NCDN: variants seen among roughly 807,000 people sequenced by gnomAD.
The protein encoded by NCDN is neurochondrin.
NCDN carries 9 observed loss-of-function variants against 60.7 expected under a neutral mutation model. The ratio of observed to expected loss-of-function variants is 0.15; its 90% CI spans 0.09 to 0.26. NCDN has a LOEUF of 0.26. NCDN is among the 10% of genes least tolerant of loss of function. NCDN has a pLI of 1.00. For missense variants in NCDN, 578 were observed against 975.2 expected (o/e 0.59, Z 5.42); for synonymous variants, 409 against 442.5 (o/e 0.92, Z 0.95).
Position 35,561,338 on chromosome 1 carries a change from G to A in NCDN, c.1143+44G>A, listed in dbSNP as rs751953513. On this transcript the variant is annotated intron_variant, in intron 3 of 6. Transcript: ENST00000373243. This position sits in a 1 kb window ranked among gnomAD's most constrained non-coding sequence, Gnocchi z 4.9. ...ACAGAGGGGGCCCAGTATGGGGGGAGCCAGTGCTGGAGCTGGGAGGCAAGG... is the reference window on the plus strand; with the variant it reads ...ACAGAGGGGGCCCAGTATGGGGGGAACCAGTGCTGGAGCTGGGAGGCAAGG... The A allele has an allele frequency of 1.0e-5, 16 of 1,531,114 alleles. No homozygotes were observed. The highest frequency in any genetic ancestry group is 1.3e-5 in the Non-Finnish European group (15 of 1,145,864). The allele number at this position is 1,531,114 out of a possible 1,614,324, so 94.8% of individuals were successfully genotyped here.
Position 35,560,930 on chromosome 1 carries a change from A to T in NCDN, c.779A>T (p.Asp260Val). Residue 260 changes from aspartate to valine, a missense_variant, in exon 3 of 7, where the codon GAT becomes GTT. Physicochemically the swap from Asp to Val is radical, Grantham distance 152. Transcript: ENST00000373243. This position sits in a 1 kb window ranked among gnomAD's most constrained non-coding sequence, Gnocchi z 7.6. ...ACCGTGCCCCCTGAATGCTACCGGG[A>T]TCTGCAGGCCGGGCTGGCACGCATC... ...PTTVPPECYR[D>V]LQAGLARILG... 1 of 1,613,728 alleles carries T rather than the reference A, an allele frequency of 6.2e-7. No homozygotes were observed. Among genetic ancestry groups the T allele is most frequent in the Non-Finnish European group, 8.5e-7 (1 of 1,179,764 alleles).
rs1381214091 is a variant in NCDN, at chr1:35,566,767, T to C, written c.*1104T>C. ...CATGTGGACACTCAATAAATGTTCA[T>C]TGGTGACGAGAAGCCTCCTGCGTGG... is the stretch of plus-strand genomic sequence containing the variant. On this transcript the variant is annotated 3_prime_UTR_variant, in exon 7 of 7. Transcript: ENST00000373243. This position sits in a 1 kb window ranked among gnomAD's most constrained non-coding sequence, Gnocchi z 5.3. The C allele has an allele frequency of 1.5e-5, 7 of 470,368 alleles. No homozygotes were observed. The highest frequency in any genetic ancestry group is 4.0e-5 in the African/African-American group (2 of 50,032). The allele number at this position is 470,368 out of a possible 1,614,324, so 29.1% of individuals were successfully genotyped here. A position where few individuals can be genotyped will look rare whatever the true frequency, so the allele number is the denominator to read the frequency against.
Position 35,562,541 on chromosome 1 carries a change from G to A in NCDN, c.1293G>A (p.Glu431=). 2.5e-6 allele frequency: 4 copies of A among 1,614,104 alleles called. No individual in the cohort carries two copies. The highest frequency in any genetic ancestry group is 3.4e-6 in the Non-Finnish European group (4 of 1,179,994). ...GCTATGCCAAGACCCTCTACGAGGA[G>A]GCCGAGGAGGCCAATGACCTTTCCC... ...LVRYAKTLYE[E]AEEANDLSQQ... Residue 431 remains glutamate (E), a synonymous_variant, in exon 4 of 7, where the codon GAG becomes GAA. Coordinates refer to ENST00000373243, the MANE Select transcript of NCDN (RefSeq NM_014284.3). The surrounding 1 kb of genome is among the most constrained non-coding windows in gnomAD (Gnocchi z 6.8).
chr1:35,563,955 G>C lies in NCDN; in HGVS notation c.1753+46G>C. The C allele has an allele frequency of 6.4e-7, 1 of 1,565,286 alleles. No homozygotes were observed. Among genetic ancestry groups the C allele is most frequent in the Non-Finnish European group, 8.6e-7 (1 of 1,158,788 alleles). On this transcript the variant is annotated intron_variant, in intron 6 of 6. Coordinates refer to ENST00000373243, the MANE Select transcript of NCDN (RefSeq NM_014284.3). This position sits in a 1 kb window ranked among gnomAD's most constrained non-coding sequence, Gnocchi z 6.6. ...CCTGATGGGTGAGGACAGAAGACCTGGGTGGACCTCCTGTGTTTGGGGCAA... is the reference window on the plus strand; with the variant it reads ...CCTGATGGGTGAGGACAGAAGACCTCGGTGGACCTCCTGTGTTTGGGGCAA...
In NCDN at chr1:35,561,353, G is replaced by C; in HGVS notation, c.1143+59G>C. The C allele has an allele frequency of 6.6e-7, 1 of 1,514,690 alleles. No homozygotes were observed. The highest frequency in any genetic ancestry group is 8.8e-7 in the Non-Finnish European group (1 of 1,139,148). 93.8% of individuals were successfully genotyped at this position (1,514,690 alleles called of 1,614,324 possible). On this transcript the variant is annotated intron_variant, in intron 3 of 6. Coordinates refer to ENST00000373243, the MANE Select transcript of NCDN (RefSeq NM_014284.3). The surrounding 1 kb of genome is among the most constrained non-coding windows in gnomAD (Gnocchi z 4.9). Reference sequence around the variant, plus strand: ...TATGGGGGGAGCCAGTGCTGGAGCTGGGAGGCAAGGGGGAGGAGAATAATG... The same window carrying C: ...TATGGGGGGAGCCAGTGCTGGAGCTCGGAGGCAAGGGGGAGGAGAATAATG...
chr1:35,562,926 T>C lies in NCDN; in HGVS notation c.1386-276T>C, dbSNP rs1648750863. ...CCAAAATGATCTCATTTGGTCCACG[T>C]GGTAAATATAACAGAAGTCTCATTC... is the stretch of plus-strand genomic sequence containing the variant. On this transcript the variant is annotated intron_variant, in intron 4 of 6. Coordinates refer to ENST00000373243, the MANE Select transcript of NCDN (RefSeq NM_014284.3). This position sits in a 1 kb window ranked among gnomAD's most constrained non-coding sequence, Gnocchi z 6.8. Among the ~76,000 whole-genome samples, 1 of 152,168 alleles carries C rather than the reference T, an allele frequency of 6.6e-6. No individual in the cohort carries two copies. The highest frequency in any genetic ancestry group is 6.5e-5 in the Admixed American group (1 of 15,280).
Position 35,558,072 on chromosome 1 carries a change from A to C in NCDN, c.-119A>C. 1 of 1,377,254 alleles carries C rather than the reference A, an allele frequency of 7.3e-7. No homozygotes were observed. The highest frequency in any genetic ancestry group is 1.5e-5 in the African/African-American group (1 of 66,928). 85.3% of individuals were successfully genotyped at this position (1,377,254 alleles called of 1,614,324 possible). On this transcript the variant is annotated 5_prime_UTR_variant, in exon 1 of 7. Transcript: ENST00000373243. The surrounding 1 kb of genome is among the most constrained non-coding windows in gnomAD (Gnocchi z 6.3). ...TCAATATATATCTTTTTTTTTTTTAATTTGCCCTGTCATCTTTGGGGGCTG... is the reference window on the plus strand; with the variant it reads ...TCAATATATATCTTTTTTTTTTTTACTTTGCCCTGTCATCTTTGGGGGCTG...
Position 35,565,863 on chromosome 1 carries a change from A to C in NCDN, c.*200A>C. On this transcript the variant is annotated 3_prime_UTR_variant, in exon 7 of 7. Coordinates refer to ENST00000373243, the MANE Select transcript of NCDN (RefSeq NM_014284.3). The surrounding 1 kb of genome is among the most constrained non-coding windows in gnomAD (Gnocchi z 8.9). ...ACTGCGTTCCGCCCCTCAGGCCCCC[A>C]TGGGGGCAGGGATCGGCTTGGAAAT... 3 of 598,102 alleles carry C rather than the reference A, an allele frequency of 5.0e-6. No individual in the cohort carries two copies. Among genetic ancestry groups the C allele is most frequent in the Non-Finnish European group, 8.5e-6 (3 of 351,786 alleles). 37.0% of individuals were successfully genotyped at this position (598,102 alleles called of 1,614,324 possible). A position where few individuals can be genotyped will look rare whatever the true frequency, so the allele number is the denominator to read the frequency against.
In NCDN at chr1:35,558,814, A is replaced by C; in HGVS notation, c.34-293A>C. The C allele has an allele frequency of 2.5e-6, 2 of 793,006 alleles. No homozygotes were observed. The highest frequency in any genetic ancestry group is 1.7e-5 in the African/African-American group (1 of 57,850). 49.1% of individuals were successfully genotyped at this position (793,006 alleles called of 1,614,324 possible). On this transcript the variant is annotated intron_variant, in intron 1 of 6. Transcript: ENST00000373243. The surrounding 1 kb of genome is among the most constrained non-coding windows in gnomAD (Gnocchi z 6.3). ...GTGGGGCCAGCTCCCGCCCACCCCC[A>C]GGAGACTGGTGAGGAGAGCTGTCCG...
In NCDN at chr1:35,565,656, A is replaced by G; in HGVS notation, c.2183A>G (p.Glu728Gly). Residue 728 changes from glutamate to glycine, a missense_variant, in exon 7 of 7, where the codon GAG becomes GGG. By Grantham distance (98) the Glu-to-Gly change is moderately conservative. This residue lies in a region of NCDN where 191 missense variants were observed against 372.1 expected (regional missense o/e 0.51). Coordinates refer to ENST00000373243, the MANE Select transcript of NCDN (RefSeq NM_014284.3). This position sits in a 1 kb window ranked among gnomAD's most constrained non-coding sequence, Gnocchi z 8.9. Reference sequence around the variant, plus strand: ...GCTGCCTTGGAGCAGTGCCTGTCAGAGCCCTGAGGGGTGTCCACCGGGGAC... The same window carrying G: ...GCTGCCTTGGAGCAGTGCCTGTCAGGGCCCTGAGGGGTGTCCACCGGGGAC... ...RMAALEQCLS[E>G]P 1.3e-6 allele frequency: 2 copies of G among 1,550,530 alleles called. No individual in the cohort carries two copies. The highest frequency in any genetic ancestry group is 1.7e-6 in the Non-Finnish European group (2 of 1,155,316).
chr1:35,559,075 A>G, intron 1 of NCDN, 32 bp from the exon 2 acceptor site: 2 of 909,166 alleles, frequency 2.2e-6, no homozygotes, highest in Non-Finnish European at 1.4e-6. Flanking sequence ...CCTCCTCTGC[A>G]GAGGGATGCT....
At position 35,558,484 on chromosome 1, in the gene NCDN, G is replaced by C; in HGVS notation, c.33+261G>C. 9 of 1,406,282 alleles carry C rather than the reference G, an allele frequency of 6.4e-6. No individual in the cohort carries two copies. Among genetic ancestry groups the C allele is most frequent in the Non-Finnish European group, 8.3e-6 (9 of 1,083,350 alleles). 87.1% of individuals were successfully genotyped at this position (1,406,282 alleles called of 1,614,324 possible). On this transcript the variant is annotated intron_variant, in intron 1 of 6. Coordinates refer to ENST00000373243, the MANE Select transcript of NCDN (RefSeq NM_014284.3). This position sits in a 1 kb window ranked among gnomAD's most constrained non-coding sequence, Gnocchi z 6.3. ...TACCCGAGGGAGGGAAAGGAGAGGA[G>C]GCAAGGAGCCTGCGGGGGCGACTGA...
rs1267047552 is a variant in NCDN at position 35,558,300 on chromosome 1, G to T, written c.33+77G>T. ...CCCTGCTTCGATTATCCGGCTTTTG[G>T]ATTCTCCGTTGTCCTGGGAACTATC... On this transcript the variant is annotated intron_variant, in intron 1 of 6. Transcript: ENST00000373243. The surrounding 1 kb of genome is among the most constrained non-coding windows in gnomAD (Gnocchi z 6.3). 2.5e-6 allele frequency: 4 copies of T among 1,602,892 alleles called. No individual in the cohort carries two copies. Among genetic ancestry groups the T allele is most frequent in the East Asian group, 2.2e-5 (1 of 44,622 alleles).
At position 35,558,547 on chromosome 1, in the gene NCDN, T is replaced by C; in HGVS notation, c.33+324T>C. 7.6e-7 allele frequency: 1 copy of C among 1,323,194 alleles called. No homozygotes were observed. 82.0% of individuals were successfully genotyped at this position (1,323,194 alleles called of 1,614,324 possible). A position where few individuals can be genotyped will look rare whatever the true frequency, so the allele number is the denominator to read the frequency against. Reference sequence around the variant, plus strand: ...GAGGGGTGGGGTCCCCAAAGGGGCCTCCAAGCCTTCCCTGTTGAGCGTCTT... The same window carrying C: ...GAGGGGTGGGGTCCCCAAAGGGGCCCCCAAGCCTTCCCTGTTGAGCGTCTT... On this transcript the variant is annotated intron_variant, in intron 1 of 6. Coordinates refer to ENST00000373243, the MANE Select transcript of NCDN (RefSeq NM_014284.3). The surrounding 1 kb of genome is among the most constrained non-coding windows in gnomAD (Gnocchi z 6.3).
chr1:35,564,907 T>C (rs193087013), intron 6 of NCDN, among the ~76,000 whole-genome samples: 1 of 152,196 alleles, frequency 6.6e-6, no homozygotes, highest in East Asian at 1.9e-4. Context: ...CTCTCTCCCA[T>C]CTGACCCTGT....
rs1210762675 is a variant in NCDN, at chr1:35,561,553, C to A, written c.1143+259C>A. 6.6e-6 allele frequency among the ~76,000 whole-genome samples: 1 copy of A among 151,960 alleles called. No homozygotes were observed. The highest frequency in any genetic ancestry group is 1.5e-5 in the Non-Finnish European group (1 of 67,956). On this transcript the variant is annotated intron_variant, in intron 3 of 6. Transcript: ENST00000373243. This position sits in a 1 kb window ranked among gnomAD's most constrained non-coding sequence, Gnocchi z 4.9. The stretch of plus-strand genomic sequence containing the variant: ...CACGCACACACACACAACACAGTAA[C>A]CTCCCACTCAAACGCTCCCCCCAAT...
chr1:35,558,121 T>G lies in NCDN; in HGVS notation c.-70T>G. The G allele has an allele frequency of 2.5e-6, 4 of 1,601,892 alleles. No homozygotes were observed. The highest frequency in any genetic ancestry group is 3.4e-6 in the Non-Finnish European group (4 of 1,170,306). On this transcript the variant is annotated 5_prime_UTR_variant, in exon 1 of 7. Coordinates refer to ENST00000373243, the MANE Select transcript of NCDN (RefSeq NM_014284.3). The surrounding 1 kb of genome is among the most constrained non-coding windows in gnomAD (Gnocchi z 6.3). The stretch of plus-strand genomic sequence containing the variant: ...TGTCTCCCATGTCGTGATTTTGACG[T>G]GATCTCTCCGTGACATCACCGCGCC...
chr1:35,562,706 C>G lies in NCDN; in HGVS notation c.1385+73C>G. ...GCGTTAACACAAGGACACCCCTCCC[C>G]ACAAACTGAGCTGTGCCAGGCTTCC... is the stretch of plus-strand genomic sequence containing the variant. On this transcript the variant is annotated intron_variant, in intron 4 of 6. Transcript: ENST00000373243. This position sits in a 1 kb window ranked among gnomAD's most constrained non-coding sequence, Gnocchi z 6.8. 2 of 1,516,284 alleles carry G rather than the reference C, an allele frequency of 1.3e-6. No homozygotes were observed. Among genetic ancestry groups the G allele is most frequent in the South Asian group, 2.6e-5 (2 of 77,154 alleles). The allele number at this position is 1,516,284 out of a possible 1,614,324, so 93.9% of individuals were successfully genotyped here.
chr1:35,559,268 T>A (rs778120363), intron 2 of NCDN, 21 bp downstream of exon 2: 3 of 1,613,670 alleles, frequency 1.9e-6, no homozygotes, highest in Non-Finnish European at 1.7e-6. Flanking sequence ...GGCTGAAAAT[T>A]GGGAGGTGGG....
Sources: allele counts gnomAD v4.1 joint callset (sites outside exome capture counted in the v4.1 genomes callset), GRCh38; gene constraint gnomAD v4.1.1; regional missense constraint gnomAD v4.1.1; non-coding constraint Gnocchi (gnomAD v3.1); transcripts MANE v1.5; gene names NCBI Gene and HGNC (gene_info 2026-07-23, HGNC 2026-07-21).